Variants in MTCH2 observed in about 807,000 individuals in gnomAD.
MTCH2 encodes mitochondrial carrier 2.
A neutral mutation model predicts 50.6 loss-of-function variants in MTCH2; 25 were observed. That is an observed-to-expected ratio of 0.49 (90% CI 0.36 to 0.69). The LOEUF (loss-of-function observed/expected upper bound fraction) is 0.69. Among genes scored for constraint, MTCH2 ranks in the 30% least tolerant of loss-of-function variants. The pLI is 0.00. For synonymous variants in MTCH2, 106 were observed against 132.0 expected (o/e 0.80, Z 1.35); for missense variants, 273 against 384.4 (o/e 0.71, Z 2.42).
the MTCH2 span, among the ~76,000 whole-genome samples, chr11:47,611,447 A>G: frequency 2.0e-5 from 3 of 152,228 alleles, no homozygotes; most frequent in African/African-American, 7.2e-5. Flanking sequence ...GCTTGTCCTT[A>G]TCCAACCTCT....
intron 11 of MTCH2, among the ~76,000 whole-genome samples, chr11:47,624,493 A>G (rs2097296221): frequency 6.6e-6 from 1 of 152,210 alleles, no homozygotes; most frequent in Non-Finnish European, 1.5e-5. Flanking sequence ...CATAGAAAAG[A>G]TAAAGATTTA....
chr11:47,605,032 G>A, the MTCH2 span, among the ~76,000 whole-genome samples: 2 of 152,074 alleles, frequency 1.3e-5, no homozygotes, highest in African/African-American at 4.8e-5. Context: ...CCAGGTTCAC[G>A]CCATTCTCCT....
chr11:47,621,604 T>C (rs1269119018), intron 12 of MTCH2, among the ~76,000 whole-genome samples: 1 of 152,248 alleles, frequency 6.6e-6, no homozygotes, highest in African/African-American at 2.4e-5. Context: ...AGCTAATTTC[T>C]TTTGTATTTT....
chr11:47,613,761 C>A (rs1430604926), downstream of MTCH2, among the ~76,000 whole-genome samples: 1 of 152,092 alleles, frequency 6.6e-6, no homozygotes, highest in Non-Finnish European at 1.5e-5. Context: ...ACTACAAATG[C>A]AGGCCCACTT....
chr11:47,639,452 T>C (rs1342118304), intron 1 of MTCH2, among the ~76,000 whole-genome samples: 3 of 152,230 alleles, frequency 2.0e-5, no homozygotes, highest in African/African-American at 7.2e-5. Flanking sequence ...AGCTGCATAT[T>C]TGGCAACCCA....
rs113436646 is a variant in MTCH2, at chr11:47,625,422, CAA to C, written c.749+250_749+251del. Among the ~76,000 whole-genome samples the C allele has an allele frequency of 6.8e-3, 606 of 89,436 alleles. 1 individual carries two copies. The highest frequency in any genetic ancestry group is 0.026 in the Middle Eastern group (5 of 190). 58.7% of individuals were successfully genotyped at this position (89,436 alleles called of 152,430 possible). ...TGGGCAACATAGCAAGACTCCATCTCAAAAAAAAAAAAAATAATAATAATAAT... is the reference window on the plus strand; with the variant it reads ...TGGGCAACATAGCAAGACTCCATCTCAAAAAAAAAAAATAATAATAATAAT... On this transcript the variant is annotated intron_variant, in intron 11 of 12. Transcript: ENST00000302503.
chr11:47,632,850 C>A (rs2097304433), intron 5 of MTCH2, among the ~76,000 whole-genome samples: 2 of 151,808 alleles, frequency 1.3e-5, no homozygotes, highest in African/African-American at 4.8e-5. Flanking sequence ...AGGCACACAC[C>A]ACCATGCCCA....
intron 3 of MTCH2, among the ~76,000 whole-genome samples, chr11:47,638,285 G>C: frequency 6.7e-6 from 1 of 148,372 alleles, no homozygotes; most frequent in Non-Finnish European, 1.5e-5. Flanking sequence ...AGTCCCGCCG[G>C]GCGCGGTGGC....
chr11:47,628,274 G>T (rs1283411285), intron 9 of MTCH2, among the ~76,000 whole-genome samples: 1 of 152,134 alleles, frequency 6.6e-6, no homozygotes, highest in Non-Finnish European at 1.5e-5. Context: ...ACCCTCTTAA[G>T]TCCAGATTAG....
chr11:47,609,626 CAAAAAAAA>C, the MTCH2 span, among the ~76,000 whole-genome samples: 353 of 88,144 alleles, frequency 4.0e-3, 2 homozygotes, highest in East Asian at 0.022. Flanking sequence ...GACTCTGTCT[CAAAAAAAA>C]AAAAAAAAAA....
At chr11:47,622,835 T>A (rs756416067) in intron 11 of MTCH2, 59 bp from the exon 12 acceptor site, 1 of 1,153,348 alleles carries the variant, frequency 8.7e-7, no homozygotes, top group Non-Finnish European at 1.3e-6. Flanking sequence ...TCTTGAGACG[T>A]TGATAAACCT....
At chr11:47,627,953 T>C (rs1229906695) in intron 9 of MTCH2, among the ~76,000 whole-genome samples, 1 of 152,190 alleles carries the variant, frequency 6.6e-6, no homozygotes, top group East Asian at 1.9e-4. Flanking sequence ...AAAATGAGAT[T>C]GATAACCTTT....
chr11:47,608,547 C>T, the MTCH2 span, among the ~76,000 whole-genome samples: 7 of 152,202 alleles, frequency 4.6e-5, no homozygotes, highest in Non-Finnish European at 1.0e-4. Context: ...ACAAGGCTTC[C>T]GTGGAAGACA....
chr11:47,623,388 A>AAAG (rs2097295132), intron 11 of MTCH2, among the ~76,000 whole-genome samples: 1 of 151,082 alleles, frequency 6.6e-6, no homozygotes, highest in African/African-American at 2.4e-5. Flanking sequence ...AAAAAAAAAA[A>AAAG]AAAAAAAAAG....
At position 47,625,654 on chromosome 11, in the gene MTCH2, A is replaced by C; in HGVS notation, c.749+20T>G. On this transcript the variant is annotated intron_variant, in intron 11 of 12. Coordinates refer to ENST00000302503, the MANE Select transcript of MTCH2 (RefSeq NM_014342.4). ...CATACAGTCAACCACCTACTAGAATAAGAAATACAAAGTGCTTACCCACAG... is the reference window on the plus strand; with the variant it reads ...CATACAGTCAACCACCTACTAGAATCAGAAATACAAAGTGCTTACCCACAG... 1.6e-6 allele frequency: 2 copies of C among 1,235,638 alleles called. No individual in the cohort carries two copies. The highest frequency in any genetic ancestry group is 2.0e-6 in the Non-Finnish European group (2 of 985,916). The allele number at this position is 1,235,638 out of a possible 1,614,324, so 76.5% of individuals were successfully genotyped here.
At chr11:47,604,883 C>T in the MTCH2 span, among the ~76,000 whole-genome samples, 2 of 152,012 alleles carry the variant, frequency 1.3e-5, no homozygotes, top group Non-Finnish European at 2.9e-5. Flanking sequence ...TATTAGAAAC[C>T]ATTAACAGCA....
At chr11:47,604,650 G>A in the MTCH2 span, among the ~76,000 whole-genome samples, 118 of 152,064 alleles carry the variant, frequency 7.8e-4, no homozygotes, top group Non-Finnish European at 1.1e-3. Context: ...CTACATGTCC[G>A]GCAAAAGGAC....
intron 1 of MTCH2, among the ~76,000 whole-genome samples, chr11:47,641,846 CTCAG>C (rs957350335): frequency 4.6e-5 from 7 of 151,980 alleles, no homozygotes; most frequent in Non-Finnish European, 8.8e-5. Context: ...TTGTGTTTCT[CTCAG>C]TATCTGGTGC....
At chr11:47,606,670 T>G in the MTCH2 span, among the ~76,000 whole-genome samples, 35 of 152,334 alleles carry the variant, frequency 2.3e-4, 1 homozygote, top group East Asian at 1.7e-3. Flanking sequence ...CTGGGATTAT[T>G]TATTTATCCA....
Sources: gnomAD v4.1 joint callset for allele counts (sites outside exome capture counted in the v4.1 genomes callset) on GRCh38, gnomAD v4.1.1 for gene constraint, MANE v1.5 for transcripts, NCBI Gene and HGNC (gene_info 2026-07-23, HGNC 2026-07-21) for gene names.